Variants in AGBL4 observed in about 807,000 individuals in gnomAD.
The protein encoded by AGBL4 is cytosolic carboxypeptidase 6.
A neutral mutation model predicts 66.4 loss-of-function variants in AGBL4; 58 were observed. That is an observed-to-expected ratio of 0.87 (90% CI 0.71 to 1.09). The LOEUF (loss-of-function observed/expected upper bound fraction) is 1.09. Among genes scored for constraint, AGBL4 ranks in the 50% least tolerant of loss-of-function variants. AGBL4 has a pLI of 0.00. For synonymous variants in AGBL4, 234 were observed against 222.9 expected, an observed-to-expected ratio of 1.05 and a Z score of -0.44; for missense variants, 579 against 631.0, an observed-to-expected ratio of 0.92 and a Z score of 0.88.
chr1:48,751,647 A>C (rs1651749205), intron 6 of AGBL4, among the ~76,000 whole-genome samples: 1 of 152,064 alleles, frequency 6.6e-6, no homozygotes, highest in Non-Finnish European at 1.5e-5. Flanking sequence ...TGGCAAATCC[A>C]AAAAAAACAT....
intron 5 of AGBL4, among the ~76,000 whole-genome samples, chr1:48,950,750 A>T (rs933270499): frequency 6.6e-6 from 1 of 152,096 alleles, no homozygotes; most frequent in African/African-American, 2.4e-5. Context: ...GCCAGGCCAT[A>T]CCAACCATGC....
intron 3 of AGBL4, among the ~76,000 whole-genome samples, chr1:49,388,242 A>G (rs1644776225): frequency 6.6e-6 from 1 of 152,070 alleles, no homozygotes; most frequent in Non-Finnish European, 1.5e-5. Flanking sequence ...CCTGATAGTA[A>G]ATAGTTTAGG....
chr1:49,688,129 C>T (rs1646820472), intron 3 of AGBL4, among the ~76,000 whole-genome samples: 1 of 152,056 alleles, frequency 6.6e-6, no homozygotes, highest in East Asian at 1.9e-4. Context: ...TGACTATAGC[C>T]AATCTGTTGT....
chr1:49,303,340 A>G (rs1358917317), intron 3 of AGBL4, among the ~76,000 whole-genome samples: 1 of 152,110 alleles, frequency 6.6e-6, no homozygotes, highest in African/African-American at 2.4e-5. Flanking sequence ...TTGACTAATA[A>G]TCACCATTCT....
intron 11 of AGBL4, among the ~76,000 whole-genome samples, chr1:48,579,156 C>T (rs1644698225): frequency 6.6e-6 from 1 of 152,166 alleles, no homozygotes; most frequent in Admixed American, 6.5e-5. Flanking sequence ...TCCCCCTCTC[C>T]AACCCTTTTC....
chr1:49,968,811 C>A (rs1033298041), intron 1 of AGBL4, among the ~76,000 whole-genome samples: 1 of 152,172 alleles, frequency 6.6e-6, no homozygotes, highest in African/African-American at 2.4e-5. Flanking sequence ...GCATGAAGGC[C>A]AGCATAGCAG....
intron 1 of AGBL4, among the ~76,000 whole-genome samples, chr1:49,892,304 C>T (rs965006588): frequency 2.0e-5 from 3 of 152,054 alleles, no homozygotes; most frequent in Admixed American, 6.6e-5. Flanking sequence ...CTTGTTAAAG[C>T]TAAGGGAAAA....
chr1:48,795,207 C>T (rs1934406), intron 6 of AGBL4, among the ~76,000 whole-genome samples: 135,146 of 152,194 alleles, frequency 0.89, 62,072 homozygotes, highest in Non-Finnish European at 1. Flanking sequence ...AATTTGATCA[C>T]GTTACTCCTC....
intron 3 of AGBL4, among the ~76,000 whole-genome samples, chr1:49,622,368 G>A (rs1323290553): frequency 1.3e-5 from 2 of 152,034 alleles, no homozygotes; most frequent in African/African-American, 2.4e-5. Context: ...GGTGGCTCAC[G>A]CCTGTAATCC....
At chr1:49,654,374 GT>G (rs1472357569) in intron 3 of AGBL4, among the ~76,000 whole-genome samples, 2 of 152,158 alleles carry the variant, frequency 1.3e-5, no homozygotes, top group Non-Finnish European at 2.9e-5. Context: ...TAGGTGAGCT[GT>G]GGTTTTGAGA....
chr1:49,679,592 C>G (rs941728008), intron 3 of AGBL4, among the ~76,000 whole-genome samples: 6 of 152,014 alleles, frequency 3.9e-5, no homozygotes, highest in Non-Finnish European at 8.8e-5. Flanking sequence ...GGGCTTGATT[C>G]TATAATTTTG....
intron 4 of AGBL4, among the ~76,000 whole-genome samples, chr1:49,190,993 G>T (rs2148207025): frequency 1.3e-5 from 2 of 152,264 alleles, no homozygotes; most frequent in African/African-American, 4.8e-5. Context: ...TTCCAAATTG[G>T]ATGCTCTGAC....
chr1:48,822,402 A>G (rs967434927), intron 6 of AGBL4, among the ~76,000 whole-genome samples: 8 of 152,222 alleles, frequency 5.3e-5, no homozygotes, highest in African/African-American at 1.9e-4. Flanking sequence ...AAAATAATAT[A>G]TTGAGGAAGC....
chr1:49,915,383 C>A lies in AGBL4; in HGVS notation c.35-63865G>T, dbSNP rs187745911. Among the ~76,000 whole-genome samples the A allele has an allele frequency of 5.3e-3, 814 of 152,304 alleles. 1 individual carries two copies. Among genetic ancestry groups the A allele is most frequent in the Non-Finnish European group, 8.3e-3 (564 of 68,028 alleles). On this transcript the variant is annotated intron_variant, in intron 1 of 13. Transcript: ENST00000371839. ...CAGCTGGAAAACTGGGTCACTCCCA[C>A]CCTAATACTGTGCTTTTCCAATGGT...
At chr1:48,778,264 C>T (rs574443755) in intron 6 of AGBL4, among the ~76,000 whole-genome samples, 1 of 152,270 alleles carries the variant, frequency 6.6e-6, no homozygotes, top group African/African-American at 2.4e-5. Flanking sequence ...GATTCTGGGC[C>T]AGGTGCTGGT....
chr1:48,762,961 G>C (rs1217019478), intron 6 of AGBL4, among the ~76,000 whole-genome samples: 3 of 152,018 alleles, frequency 2.0e-5, no homozygotes, highest in South Asian at 2.1e-4. Flanking sequence ...GTGAGGATGA[G>C]AGCAATAATT....
At chr1:49,549,972 G>A (rs1652822721) in intron 3 of AGBL4, among the ~76,000 whole-genome samples, 1 of 152,090 alleles carries the variant, frequency 6.6e-6, no homozygotes, top group South Asian at 2.1e-4. Flanking sequence ...CCAGTGTTAG[G>A]TGCATATATG....
intron 3 of AGBL4, among the ~76,000 whole-genome samples, chr1:49,324,699 A>C (rs1024851899): frequency 6.6e-6 from 1 of 152,208 alleles, no homozygotes; most frequent in Non-Finnish European, 1.5e-5. Flanking sequence ...TACATTCAAC[A>C]ATGTGTTTGT....
intron 1 of AGBL4, among the ~76,000 whole-genome samples, chr1:50,020,367 GA>G (rs1229161524): frequency 6.6e-6 from 1 of 152,018 alleles, no homozygotes; most frequent in Non-Finnish European, 1.5e-5. Flanking sequence ...TCAAGTATAT[GA>G]TCTCTAATAT....
Sources: gnomAD v4.1 joint callset for allele counts (sites outside exome capture counted in the v4.1 genomes callset) on GRCh38, gnomAD v4.1.1 for gene constraint, MANE v1.5 for transcripts, NCBI Gene and HGNC (gene_info 2026-07-23, HGNC 2026-07-21) for gene names.